Variants in CNGB1 observed in about 807,000 individuals in gnomAD.
CNGB1 encodes cyclic nucleotide gated channel subunit beta 1.
Under a neutral mutation model 151.7 loss-of-function variants are expected in CNGB1, and 126 were observed. That is an observed-to-expected ratio of 0.83 (90% CI 0.72 to 0.96). The LOEUF (loss-of-function observed/expected upper bound fraction) is 0.96, where lower values mean the gene tolerates loss of function less well. CNGB1 is among the 40% of genes least tolerant of loss of function. The pLI is 0.00. For synonymous variants in CNGB1, 623 were observed against 635.1 expected (o/e 0.98, Z 0.29); for missense variants, 1,698 against 1,627.0 (o/e 1.04, Z -0.75).
At chr16:57,884,606 C>T (rs1297632610) in intron 32 of CNGB1, 149 bp from the exon 33 acceptor site, 6 of 790,494 alleles carry the variant, frequency 7.6e-6, no homozygotes, top group Non-Finnish European at 1.1e-5. Flanking sequence ...GGGGTGGAGC[C>T]GCATCGGGGT....
rs1962402831 is a variant in CNGB1, at chr16:57,966,522, T to C, written c.159+606A>G. 3.9e-5 allele frequency among the ~76,000 whole-genome samples: 6 copies of C among 152,240 alleles called. No individual in the cohort carries two copies. The South Asian group carries it at 1.2e-3, about 32-fold the overall frequency. ...CAAACTGTTACTGGTCCATGATGATTAAGCAGTTTGCACCAGAATGTTTAT... is the reference window on the plus strand; with the variant it reads ...CAAACTGTTACTGGTCCATGATGATCAAGCAGTTTGCACCAGAATGTTTAT... On this transcript the variant is annotated intron_variant, in intron 2 of 32. Transcript: ENST00000251102.
chr16:57,960,620 G>GCGGGTGAGC, intron 8 of CNGB1, 90 bp from the exon 9 acceptor site: 1 of 1,547,756 alleles, frequency 6.5e-7, no homozygotes, highest in Non-Finnish European at 8.8e-7. Context: ...CTGGCCCAAG[G>GCGGGTGAGC]CGGGTGAGCC....
At position 57,959,935 on chromosome 16, in the gene CNGB1, G is replaced by C. The variant is rs770568024; in HGVS notation, c.714C>G (p.Gly238=). The change falls in exon 10 of 33, where the codon GGC becomes GGG. Residue 238 remains glycine, a synonymous_variant. Transcript: ENST00000251102. ...GCAGGGAGGAGGTCTGGGCCTGGGA[G>C]CCGGGCTGGGGCTCTGGAGCTGGTG... ...KEAPAPEPQP[G]SQAQTSSLPP... The C allele has an allele frequency of 6.3e-7, 1 of 1,581,976 alleles. No individual in the cohort carries two copies. The highest frequency in any genetic ancestry group is 2.3e-5 in the East Asian group (1 of 44,084).
At chr16:57,967,015 CT>C in intron 2 of CNGB1, 112 bp downstream of exon 2, 1 of 1,510,974 alleles carries the variant, frequency 6.6e-7, no homozygotes, top group Non-Finnish European at 9.1e-7. Context: ...CCCACTTTTC[CT>C]TCTGATGCCA....
At chr16:57,921,867 A>ATGG (rs1370853618) in intron 18 of CNGB1, among the ~76,000 whole-genome samples, 2 of 152,268 alleles carry the variant, frequency 1.3e-5, no homozygotes, top group South Asian at 4.2e-4. Context: ...TGAGATGATG[A>ATGG]TGGTATATGA....
At chr16:57,911,910 G>C (rs780585094) in intron 24 of CNGB1, 35 bp from the exon 25 acceptor site, 1 of 1,610,342 alleles carries the variant, frequency 6.2e-7, no homozygotes, top group Non-Finnish European at 8.5e-7. Flanking sequence ...ACACAGCGGC[G>C]GAAGGGGGAG....
chr16:57,932,159 C>T (rs1961372630), intron 16 of CNGB1, among the ~76,000 whole-genome samples: 1 of 152,190 alleles, frequency 6.6e-6, no homozygotes. Context: ...GCCCAGCTCT[C>T]CTAGCTCTCA....
At chr16:57,886,740 T>C (rs1190059111) in intron 32 of CNGB1, among the ~76,000 whole-genome samples, 1 of 152,176 alleles carries the variant, frequency 6.6e-6, no homozygotes, top group East Asian at 1.9e-4. Flanking sequence ...ACATAATTAA[T>C]GTAATCATTC....
intron 25 of CNGB1, 53 bp from the exon 26 acceptor site, chr16:57,904,928 C>T (rs1406068118): frequency 1.5e-5 from 24 of 1,611,062 alleles, no homozygotes; most frequent in East Asian, 2.2e-5. Flanking sequence ...CACTCTGCCG[C>T]CCCGAGCAGT....
chr16:57,924,528 G>A (rs1216811288), intron 17 of CNGB1, among the ~76,000 whole-genome samples: 1 of 152,218 alleles, frequency 6.6e-6, no homozygotes, highest in African/African-American at 2.4e-5. Context: ...AAGGCTGAGT[G>A]TTAGCACATG....
chr16:57,945,847 A>G (rs1398113102), intron 14 of CNGB1, among the ~76,000 whole-genome samples: 3 of 152,220 alleles, frequency 2.0e-5, no homozygotes, highest in South Asian at 2.1e-4. Context: ...TGTTCTTGTC[A>G]TTATTATTAT....
At chr16:57,956,904 A>AC (rs1567395389) in intron 12 of CNGB1, among the ~76,000 whole-genome samples, 1 of 151,432 alleles carries the variant, frequency 6.6e-6, no homozygotes, top group Non-Finnish European at 1.5e-5. Flanking sequence ...GGTGACAGGG[A>AC]CCCCCTCCAG....
rs76109622 is a variant in CNGB1 at position 57,888,097 on chromosome 16, G to T, written c.3243-23C>A. On this transcript the variant is annotated intron_variant, in intron 31 of 32. Transcript: ENST00000251102. ...CGCCTGGAAGAAAGCAGCATCCATT[G>T]ACATCACAGACGCACTCTGGGGGAA... 7.3e-4 allele frequency: 1,165 copies of T among 1,606,394 alleles called. 12 individuals are homozygous for T. In the African/African-American group the frequency reaches 0.013, roughly 19 times the overall value.
intron 1 of CNGB1, among the ~76,000 whole-genome samples, chr16:57,968,981 G>C (rs1354839708): frequency 6.6e-6 from 1 of 150,570 alleles, no homozygotes. Flanking sequence ...CTTCTGCCTG[G>C]GTAACAAAGC....
chr16:57,902,958 A>C (rs1490445588), intron 27 of CNGB1, among the ~76,000 whole-genome samples: 2 of 152,184 alleles, frequency 1.3e-5, no homozygotes, highest in African/African-American at 4.8e-5. Context: ...GACTTTATAG[A>C]TGAGCAAATG....
At chr16:57,942,584 G>A (rs1481893326) in intron 14 of CNGB1, among the ~76,000 whole-genome samples, 1 of 152,192 alleles carries the variant, frequency 6.6e-6, no homozygotes, top group Non-Finnish European at 1.5e-5. Flanking sequence ...CAAGAAGATG[G>A]CTGGATGTGG....
intron 17 of CNGB1, among the ~76,000 whole-genome samples, chr16:57,926,785 G>A (rs1218558162): frequency 6.6e-6 from 1 of 152,112 alleles, no homozygotes; most frequent in Non-Finnish European, 1.5e-5. Flanking sequence ...TTCAAGACCA[G>A]CCTGCCCAAC....
Position 57,914,512 on chromosome 16 carries a change from C to T in CNGB1, c.2304+737G>A, listed in dbSNP as rs146208093. Among the ~76,000 whole-genome samples the T allele has an allele frequency of 3.8e-4, 58 of 152,294 alleles. 1 individual carries two copies. The East Asian group carries it at 0.011, about 28-fold the overall frequency. ...TGCATTTGCATTTTTTGTAAATTCC[C>T]TCAGTACTGTTTTCAGAAAAAGGCA... is the stretch of plus-strand genomic sequence containing the variant. On this transcript the variant is annotated intron_variant, in intron 23 of 32. Coordinates refer to ENST00000251102, the MANE Select transcript of CNGB1 (RefSeq NM_001297.5).
chr16:57,893,877 A>G (rs1960158335), intron 31 of CNGB1, among the ~76,000 whole-genome samples: 2 of 152,116 alleles, frequency 1.3e-5, no homozygotes, highest in Non-Finnish European at 2.9e-5. Flanking sequence ...GACAACTGAG[A>G]CCAGAAAAGT....
Sources: allele counts gnomAD v4.1 joint callset (sites outside exome capture counted in the v4.1 genomes callset), GRCh38; gene constraint gnomAD v4.1.1; transcripts MANE v1.5; gene names NCBI Gene and HGNC (gene_info 2026-07-23, HGNC 2026-07-21).